Variants in STARD9 observed in about 807,000 individuals in gnomAD.
The protein encoded by STARD9 is stAR-related lipid transfer protein 9.
A neutral mutation model predicts 399.8 loss-of-function variants in STARD9; 346 were observed. The ratio of observed to expected loss-of-function variants is 0.87; its 90% CI spans 0.79 to 0.95. The LOEUF (loss-of-function observed/expected upper bound fraction) is 0.95, where lower values mean the gene tolerates loss of function less well. Among genes scored for constraint, STARD9 ranks in the 40% least tolerant of loss-of-function variants. STARD9 has a pLI of 0.00. For synonymous variants in STARD9, 2,203 were observed against 2,143.5 expected (o/e 1.03, Z -0.77); for missense variants, 5,832 against 5,667.5 (o/e 1.03, Z -0.93).
chr15:42,706,453 ATTT>A (rs1208800295), intron 26 of STARD9, among the ~76,000 whole-genome samples: 1 of 141,324 alleles, frequency 7.1e-6, no homozygotes. Flanking sequence ...ACCTATCTTA[ATTT>A]TTTTTTTTTT....
intron 26 of STARD9, among the ~76,000 whole-genome samples, chr15:42,708,989 T>C (rs1367525312): frequency 6.6e-6 from 1 of 152,190 alleles, no homozygotes; most frequent in African/African-American, 2.4e-5. Flanking sequence ...TCTCGGTGCA[T>C]TGTATCAGAG....
At chr15:42,658,853 C>A (rs928680805) in intron 9 of STARD9, among the ~76,000 whole-genome samples, 3 of 151,222 alleles carry the variant, frequency 2.0e-5, no homozygotes, top group Non-Finnish European at 4.4e-5. Flanking sequence ...TGGTTCATGC[C>A]TGTAATCCCA....
At chr15:42,628,908 C>G (rs1463796884) in intron 3 of STARD9, among the ~76,000 whole-genome samples, 3 of 152,114 alleles carry the variant, frequency 2.0e-5, no homozygotes, top group African/African-American at 7.2e-5. Context: ...TTTGGCTATT[C>G]TGGGTCTTCT....
chr15:42,669,394 G>C, intron 16 of STARD9, 57 bp downstream of exon 16: 1 of 1,422,444 alleles, frequency 7.0e-7, no homozygotes, highest in Non-Finnish European at 9.4e-7. Context: ...AGGTCAAGGA[G>C]GGAAAAGCTA....
intron 17 of STARD9, 64 bp from the exon 18 acceptor site, chr15:42,674,763 A>G (rs1385481412): frequency 2.7e-6 from 4 of 1,460,272 alleles, no homozygotes; most frequent in Admixed American, 2.6e-5. Flanking sequence ...TCTCACAGAA[A>G]GAAATGGAGA....
In STARD9 at chr15:42,684,257, C is replaced by T. The variant is rs912208618; in HGVS notation, c.2679C>T (p.Asn893=). The T allele has an allele frequency of 3.3e-6, 5 of 1,537,264 alleles. No homozygotes were observed. Among genetic ancestry groups the T allele is most frequent in the Middle Eastern group, 1.7e-4 (1 of 5,990 alleles). Residue 893 remains asparagine (N), a synonymous_variant, in exon 23 of 33, where the codon AAC becomes AAT. Transcript: ENST00000290607. ...YPARTGCLRK[N]GLHSSGHGQP... ...CAAGGACAGGGTGCCTCCGCAAGAACGGCCTGCATTCCTCAGGTCATGGGC... is the reference window on the plus strand; with the variant it reads ...CAAGGACAGGGTGCCTCCGCAAGAATGGCCTGCATTCCTCAGGTCATGGGC...
intron 7 of STARD9, among the ~76,000 whole-genome samples, 191 bp downstream of exon 7, chr15:42,639,003 G>T (rs1273368431): frequency 6.7e-6 from 1 of 149,826 alleles, no homozygotes; most frequent in Non-Finnish European, 1.5e-5. Context: ...AATCTAGTGG[G>T]TGTGAGTCAG....
chr15:42,612,587 A>C (rs977150674), intron 3 of STARD9, among the ~76,000 whole-genome samples: 2 of 152,190 alleles, frequency 1.3e-5, no homozygotes, highest in African/African-American at 4.8e-5. Flanking sequence ...CTAGATGTCC[A>C]TCTGTCTGTT....
rs777438608 is a variant in STARD9, at chr15:42,685,975, T to G, written c.4397T>G (p.Leu1466Arg). 1 of 1,537,268 alleles carries G rather than the reference T, an allele frequency of 6.5e-7. No homozygotes were observed. Among genetic ancestry groups the G allele is most frequent in the Non-Finnish European group, 8.7e-7 (1 of 1,146,922 alleles). ...CACAATTCTAGCGTATCAAACGTGC[T>G]GGCTGCCTCTGCCACCACCTTGACT... is the stretch of plus-strand genomic sequence containing the variant. ...ASHNSSVSNVLAASATTLTHV... is the reference protein window; with the variant it reads ...ASHNSSVSNVRAASATTLTHV... Residue 1466 changes from leucine to arginine, a missense_variant, in exon 23 of 33, where the codon CTG becomes CGG. Around this residue, in one of 2 missense-constraint regions of STARD9, gnomAD observed 5,828 missense variants for 5,651.1 expected, o/e 1.03. Transcript: ENST00000290607.
intron 9 of STARD9, among the ~76,000 whole-genome samples, chr15:42,657,353 T>C (rs929217656): frequency 1.3e-3 from 166 of 131,438 alleles, no homozygotes; most frequent in African/African-American, 5.8e-3. Context: ...AGAGTGAGAT[T>C]CCGTCTCAAA....
In STARD9 at chr15:42,687,721, C is replaced by G. The variant is rs1441918586; in HGVS notation, c.6143C>G (p.Ala2048Gly). Residue 2048 changes from alanine (A) to glycine (G), a missense_variant, in exon 23 of 33, where the codon GCT becomes GGT. This residue lies in a region of STARD9 where 5,828 missense variants were observed against 5,651.1 expected (regional missense o/e 1.03). Coordinates refer to ENST00000290607, the MANE Select transcript of STARD9 (RefSeq NM_020759.3). ...AGAGTTAATAATACTGATGAAATGG[C>G]TAGGCTAATTAGGAGTGTAATGCAG... ...NKRVNNTDEMARLIRSVMQLE... is the reference protein window; with the variant it reads ...NKRVNNTDEMGRLIRSVMQLE... The G allele has an allele frequency of 8.5e-6, 13 of 1,537,460 alleles. No individual in the cohort carries two copies. The Admixed American group carries it at 2.4e-4, about 28-fold the overall frequency.
intron 32 of STARD9, 57 bp downstream of exon 32, chr15:42,718,967 C>T: frequency 2.0e-6 from 3 of 1,489,870 alleles, no homozygotes; most frequent in South Asian, 1.2e-5. Flanking sequence ...CCCACAGCCC[C>T]CTGGGATTTT....
chr15:42,580,954 A>G (rs1053148214), intron 1 of STARD9, among the ~76,000 whole-genome samples: 5 of 152,228 alleles, frequency 3.3e-5, no homozygotes, highest in African/African-American at 1.2e-4. Flanking sequence ...AAATGGTCAG[A>G]TGAAGCTCAT....
rs927726437 is a variant in STARD9, at chr15:42,687,499, G to A, written c.5921G>A (p.Gly1974Glu). Residue 1974 changes from glycine to glutamate, a missense_variant, in exon 23 of 33, where the codon GGG becomes GAG. Transcript: ENST00000290607. ...GGTGGCCCAACCCCTAAGTGGGAAG[G>A]GAAAAATGAAACTGGGCTTCTTGAA... ...QGGGPTPKWEGKNETGLLEKG... is the reference protein window; with the variant it reads ...QGGGPTPKWEEKNETGLLEKG... The A allele has an allele frequency of 1.3e-6, 2 of 1,536,964 alleles. No homozygotes were observed. Among genetic ancestry groups the A allele is most frequent in the African/African-American group, 2.7e-5 (2 of 73,016 alleles).
At chr15:42,585,434 C>T in intron 2 of STARD9, 87 bp from the exon 3 acceptor site, 1 of 792,154 alleles carries the variant, frequency 1.3e-6, no homozygotes, top group Non-Finnish European at 2.1e-6. Flanking sequence ...CCAAGTCTCT[C>T]TAGCTATGGT....
At chr15:42,626,503 T>C (rs2059226415) in intron 3 of STARD9, among the ~76,000 whole-genome samples, 1 of 151,284 alleles carries the variant, frequency 6.6e-6, no homozygotes, top group African/African-American at 2.4e-5. Context: ...TCTTCTTTTT[T>C]TTTTTTTGTG....
chr15:42,614,138 C>T lies in STARD9; in HGVS notation c.235-20718C>T, dbSNP rs148013951. Among the ~76,000 whole-genome samples the T allele has an allele frequency of 1.5e-3, 231 of 151,928 alleles. 1 individual carries two copies. The highest frequency in any genetic ancestry group is 6.8e-3 in the Middle Eastern group (2 of 294). ...CTGCCCTGACCAACATGGTGAAACCCCGTCTCTACTAAAAATACAAAAATT... is the reference window on the plus strand; with the variant it reads ...CTGCCCTGACCAACATGGTGAAACCTCGTCTCTACTAAAAATACAAAAATT... On this transcript the variant is annotated intron_variant, in intron 3 of 32. Coordinates refer to ENST00000290607, the MANE Select transcript of STARD9 (RefSeq NM_020759.3).
At chr15:42,592,447 CT>C (rs1476969307) in intron 3 of STARD9, among the ~76,000 whole-genome samples, 1 of 151,344 alleles carries the variant, frequency 6.6e-6, no homozygotes, top group Non-Finnish European at 1.5e-5. Context: ...TTTCTTTTTT[CT>C]TTTTTTTATT....
Position 42,695,881 on chromosome 15 carries a change from G to A in STARD9, c.13284+1G>A. The A allele has an allele frequency of 6.5e-7, 1 of 1,536,930 alleles. No homozygotes were observed. The highest frequency in any genetic ancestry group is 2.4e-5 in the East Asian group (1 of 40,920). ...CCAGCTCCAGTTCCCAGAGAATATG[G>A]TGAGTAGGCAGATGTTGGGAATGAG... On this transcript the variant is annotated splice_donor_variant, in intron 26 of 32. Coordinates refer to ENST00000290607, the MANE Select transcript of STARD9 (RefSeq NM_020759.3). LOFTEE classifies it high-confidence loss of function.
Sources: allele counts gnomAD v4.1 joint callset (sites outside exome capture counted in the v4.1 genomes callset), GRCh38; gene constraint gnomAD v4.1.1; regional missense constraint gnomAD v4.1.1; transcripts MANE v1.5; gene names NCBI Gene and HGNC (gene_info 2026-07-23, HGNC 2026-07-21).